The following ADAMTS6 variants were observed in gnomAD, a reference collection of about 807,000 sequenced individuals.
ADAMTS6 encodes A disintegrin and metalloproteinase with thrombospondin motifs 6.
ADAMTS6 carries 23 observed loss-of-function variants against 144.3 expected under a neutral mutation model. The ratio of observed to expected loss-of-function variants is 0.16; its 90% CI spans 0.11 to 0.23. The LOEUF (loss-of-function observed/expected upper bound fraction) is 0.23, where lower values mean the gene tolerates loss of function less well. Ranked by LOEUF, ADAMTS6 falls within the 10% of genes least tolerant of loss-of-function variation. The pLI is 1.00. For synonymous variants in ADAMTS6, 444 were observed against 457.5 expected (o/e 0.97, Z 0.38); for missense variants, 999 against 1,379.6 (o/e 0.72, Z 4.37).
chr5:65,225,955 A>T, intron 16 of ADAMTS6, 131 bp downstream of exon 16: 1 of 965,772 alleles, frequency 1.0e-6, no homozygotes, highest in Non-Finnish European at 1.4e-6. Context: ...TATTACTCTT[A>T]ATGGAAATTG....
At chr5:65,398,810 AAGAAAG>A (rs1235111904) in intron 7 of ADAMTS6, among the ~76,000 whole-genome samples, 1 of 118,644 alleles carries the variant, frequency 8.4e-6, no homozygotes, top group Non-Finnish European at 1.7e-5. Context: ...GAAAGAAAGA[AAGAAAG>A]AAAGAAAGAA....
chr5:65,402,201 G>C (rs1388213085), intron 7 of ADAMTS6, among the ~76,000 whole-genome samples: 1 of 152,012 alleles, frequency 6.6e-6, no homozygotes, highest in African/African-American at 2.4e-5. Context: ...TCCATGGTTA[G>C]TCATTCTTAC....
At chr5:65,178,882 C>T (rs1056831062) in intron 22 of ADAMTS6, among the ~76,000 whole-genome samples, 23 of 152,192 alleles carry the variant, frequency 1.5e-4, no homozygotes, top group African/African-American at 5.3e-4. Context: ...ACCTTGCTCC[C>T]GGTATCAGAG....
At chr5:65,436,171 G>A (rs372267514) in intron 7 of ADAMTS6, among the ~76,000 whole-genome samples, 4 of 151,568 alleles carry the variant, frequency 2.6e-5, no homozygotes, top group South Asian at 2.1e-4. Context: ...ACCAACCTAA[G>A]CAACATAACC....
chr5:65,322,561 G>GTTT (rs3049530), intron 9 of ADAMTS6, among the ~76,000 whole-genome samples: 18 of 118,422 alleles, frequency 1.5e-4, no homozygotes, highest in African/African-American at 4.1e-4. Flanking sequence ...GTGGTATGTA[G>GTTT]TTTTTTTTTT....
intron 23 of ADAMTS6, among the ~76,000 whole-genome samples, chr5:65,172,148 C>G (rs1430530848): frequency 1.3e-5 from 2 of 148,834 alleles, no homozygotes; most frequent in African/African-American, 4.9e-5. Context: ...GGCGCGGTGG[C>G]TCACACCTGT....
At chr5:65,344,267 T>C (rs1008292367) in intron 7 of ADAMTS6, among the ~76,000 whole-genome samples, 9 of 151,976 alleles carry the variant, frequency 5.9e-5, no homozygotes, top group Non-Finnish European at 1.0e-4. Flanking sequence ...CCTCTGGGCC[T>C]TTCTTCATTA....
At chr5:65,212,820 C>T (rs975266817) in intron 20 of ADAMTS6, among the ~76,000 whole-genome samples, 5 of 152,168 alleles carry the variant, frequency 3.3e-5, no homozygotes, top group Non-Finnish European at 7.4e-5. Context: ...TTTCTCCAAG[C>T]TAATCCACTT....
intron 15 of ADAMTS6, among the ~76,000 whole-genome samples, chr5:65,236,504 C>G (rs1758680891): frequency 6.6e-6 from 1 of 152,078 alleles, no homozygotes; most frequent in Admixed American, 6.6e-5. Context: ...CCAGGGTGGT[C>G]TCCAACTCCT....
chr5:65,178,553 A>G (rs1363066071), intron 22 of ADAMTS6, among the ~76,000 whole-genome samples: 1 of 152,200 alleles, frequency 6.6e-6, no homozygotes, highest in Non-Finnish European at 1.5e-5. Flanking sequence ...AAAGAGAAAA[A>G]AATGGCAGCT....
At chr5:65,243,284 CTG>C (rs1236920146) in intron 14 of ADAMTS6, among the ~76,000 whole-genome samples, 2 of 152,074 alleles carry the variant, frequency 1.3e-5, no homozygotes, top group African/African-American at 4.8e-5. Flanking sequence ...CCTTAGATCT[CTG>C]TGTTTGCTTT....
intron 18 of ADAMTS6, among the ~76,000 whole-genome samples, chr5:65,222,738 T>C (rs1011540119): frequency 6.6e-6 from 1 of 151,968 alleles, no homozygotes; most frequent in Non-Finnish European, 1.5e-5. Flanking sequence ...TTGTAGACCA[T>C]ATATTTAAAC....
intron 15 of ADAMTS6, among the ~76,000 whole-genome samples, chr5:65,239,122 T>G (rs1051245296): frequency 4.0e-5 from 6 of 149,798 alleles, no homozygotes; most frequent in Non-Finnish European, 4.4e-5. Context: ...TGTTGTGGGG[T>G]AGGGGGAGGG....
chr5:65,312,312 T>C (rs964714058), intron 9 of ADAMTS6, among the ~76,000 whole-genome samples: 2 of 152,026 alleles, frequency 1.3e-5, no homozygotes, highest in African/African-American at 2.4e-5. Context: ...AGGACATTCT[T>C]AATTTAGAAT....
At chr5:65,166,030 A>T (rs1579935498) in intron 24 of ADAMTS6, among the ~76,000 whole-genome samples, 1 of 149,532 alleles carries the variant, frequency 6.7e-6, no homozygotes, top group East Asian at 2.0e-4. Flanking sequence ...CACACATAAC[A>T]ATATTAACTT....
chr5:65,261,626 G>C (rs1761206426), intron 13 of ADAMTS6, among the ~76,000 whole-genome samples: 1 of 152,186 alleles, frequency 6.6e-6, no homozygotes. Flanking sequence ...AGTGAATGCT[G>C]ACTCTAAGTA....
Position 65,210,826 on chromosome 5 carries a change from A to G in ADAMTS6, c.2575+3968T>C, listed in dbSNP as rs369530843. On this transcript the variant is annotated intron_variant, in intron 20 of 24. Coordinates refer to ENST00000381055, the MANE Select transcript of ADAMTS6 (RefSeq NM_197941.4). ...AAAGAACAGTGTAACTCCAGACATG[A>G]TGGGGAAGATGTATAAGAAAGCTCT... is the stretch of plus-strand genomic sequence containing the variant. 99 of 439,816 alleles carry G rather than the reference A, an allele frequency of 2.3e-4. No individual in the cohort carries two copies. The East Asian group carries it at 2.7e-3, about 12-fold the overall frequency. 27.2% of individuals were successfully genotyped at this position (439,816 alleles called of 1,614,324 possible). A position where few individuals can be genotyped will look rare whatever the true frequency, so the allele number is the denominator to read the frequency against.
intron 7 of ADAMTS6, among the ~76,000 whole-genome samples, chr5:65,338,742 T>C (rs1381678391): frequency 1.3e-5 from 2 of 152,000 alleles, no homozygotes; most frequent in Admixed American, 6.5e-5. Flanking sequence ...CAAGAAGTCA[T>C]GTGACCACAT....
chr5:65,286,923 A>G (rs1326846699), intron 11 of ADAMTS6, among the ~76,000 whole-genome samples: 1 of 152,232 alleles, frequency 6.6e-6, no homozygotes, highest in African/African-American at 2.4e-5. Context: ...AAAGAGATTA[A>G]TGGAAAATGG....
Sources: gnomAD v4.1 joint callset for allele counts (sites outside exome capture counted in the v4.1 genomes callset) on GRCh38, gnomAD v4.1.1 for gene constraint, MANE v1.5 for transcripts, NCBI Gene and HGNC (gene_info 2026-07-23, HGNC 2026-07-21) for gene names.